PPP4R3A: variants seen among roughly 807,000 people sequenced by gnomAD.
The protein encoded by PPP4R3A is protein phosphatase 4 regulatory subunit 3A.
PPP4R3A carries 15 observed loss-of-function variants against 91.7 expected under a neutral mutation model. The observed-to-expected ratio is 0.16, with a 90% CI of 0.11 to 0.25. The LOEUF (loss-of-function observed/expected upper bound fraction) is 0.25. Among genes scored for constraint, PPP4R3A ranks in the 10% least tolerant of loss-of-function variants. PPP4R3A has a pLI of 1.00. For missense variants in PPP4R3A, 623 were observed against 998.4 expected (o/e 0.62, Z 5.07); for synonymous variants, 377 against 348.7 (o/e 1.08, Z -0.91).
intron 10 of PPP4R3A, among the ~76,000 whole-genome samples, chr14:91,468,782 G>A (rs1595054867): frequency 7.1e-6 from 1 of 141,346 alleles, no homozygotes. Flanking sequence ...ATTCAACCAA[G>A]AATGCAATAC....
chr14:91,483,941 T>C (rs1370665010), intron 3 of PPP4R3A, among the ~76,000 whole-genome samples: 2 of 152,208 alleles, frequency 1.3e-5, no homozygotes, highest in South Asian at 2.1e-4. Context: ...GAGTTACACA[T>C]TGGCATAAAG....
chr14:91,501,700 A>G (rs1001393145), intron 1 of PPP4R3A, among the ~76,000 whole-genome samples: 1 of 136,478 alleles, frequency 7.3e-6, no homozygotes, highest in African/African-American at 2.8e-5. Flanking sequence ...GTGGGAGACT[A>G]AAGTGTGCTT....
chr14:91,488,901 A>C (rs1890059522), intron 2 of PPP4R3A, among the ~76,000 whole-genome samples: 1 of 133,524 alleles, frequency 7.5e-6, no homozygotes, highest in South Asian at 2.4e-4. Context: ...CATAATATAG[A>C]TACCACTTTT....
chr14:91,462,065 G>A lies in PPP4R3A; in HGVS notation c.2148C>T (p.Phe716=). 1 of 1,512,254 alleles carries A rather than the reference G, an allele frequency of 6.6e-7. No homozygotes were observed. Among genetic ancestry groups the A allele is most frequent in the Admixed American group, 2.4e-5 (1 of 42,004 alleles). 93.7% of individuals were successfully genotyped at this position (1,512,254 alleles called of 1,614,324 possible). A position where few individuals can be genotyped will look rare whatever the true frequency, so the allele number is the denominator to read the frequency against. ...CCAACATACATTTCTTCCTTTCCAT[G>A]AATTTACTTATTGGATCCATAATAT... ...DDDIMDPISK[F]MERKKLKESE... The change falls in exon 13 of 15, where the codon TTC becomes TTT. Residue 716 remains phenylalanine, a synonymous_variant. Transcript: ENST00000554943.
chr14:91,473,420 A>G, intron 7 of PPP4R3A, 50 bp from the exon 8 acceptor site: 1 of 1,562,428 alleles, frequency 6.4e-7, no homozygotes, highest in Non-Finnish European at 8.6e-7. Flanking sequence ...GAGAGAACGG[A>G]AAAAGCAAAA....
At chr14:91,466,344 C>T (rs1233808494) in intron 10 of PPP4R3A, 11 of 985,614 alleles carry the variant, frequency 1.1e-5, no homozygotes, top group African/African-American at 5.2e-5. Flanking sequence ...GGAAGTGGCT[C>T]GTTAAATTGC....
chr14:91,510,339 G>A (rs1360301865), upstream of PPP4R3A: 3 of 152,536 alleles, frequency 2.0e-5, no homozygotes, highest in Non-Finnish European at 2.9e-5. Context: ...CAGCTGCAGG[G>A]GCGGCTCGTA....
chr14:91,483,122 G>A (rs767205189), intron 3 of PPP4R3A, among the ~76,000 whole-genome samples: 1 of 151,742 alleles, frequency 6.6e-6, no homozygotes, highest in Admixed American at 6.6e-5. Context: ...CATTTTTTTT[G>A]GTAACAAAAG....
chr14:91,481,976 T>C lies in PPP4R3A; in HGVS notation c.515A>G (p.Lys172Arg). 1 of 1,614,066 alleles carries C rather than the reference T, an allele frequency of 6.2e-7. No individual in the cohort carries two copies. The highest frequency in any genetic ancestry group is 1.1e-5 in the South Asian group (1 of 91,080). Residue 172 changes from lysine (K) to arginine (R), a missense_variant, in exon 4 of 15, where the codon AAG (lysine) becomes AGG (arginine). Around this residue, in one of 5 missense-constraint regions of PPP4R3A, gnomAD observed 264 missense variants for 377.3 expected, o/e 0.70. Transcript: ENST00000554943. The part of the protein sequence containing the change: ...LALENEGYIK[K>R]LLELFHVCED... ...ACACACATGAAAAAGCTCCAGGAGC[T>C]TTTTAATATAACCCTCATTTTCTAG...
At chr14:91,482,566 A>G (rs773246683) in intron 3 of PPP4R3A, among the ~76,000 whole-genome samples, 8 of 152,176 alleles carry the variant, frequency 5.3e-5, no homozygotes, top group Admixed American at 2.0e-4. Context: ...CCAGCAGACC[A>G]AGGCAAGTCT....
chr14:91,460,822 C>T (rs568775715), intron 14 of PPP4R3A, among the ~76,000 whole-genome samples: 13 of 151,794 alleles, frequency 8.6e-5, no homozygotes, highest in Admixed American at 6.6e-4. Flanking sequence ...GGTTTCACCA[C>T]GTTAGCCAGG....
At chr14:91,467,706 C>T (rs528477739) in intron 10 of PPP4R3A, among the ~76,000 whole-genome samples, 3 of 152,020 alleles carry the variant, frequency 2.0e-5, no homozygotes, top group Non-Finnish European at 4.4e-5. Context: ...CTATAAAGAC[C>T]GAGTTTAGAA....
intron 1 of PPP4R3A, among the ~76,000 whole-genome samples, chr14:91,496,550 GAA>G (rs994634678): frequency 3.3e-5 from 5 of 152,080 alleles, no homozygotes; most frequent in Admixed American, 6.6e-5. Flanking sequence ...AGGATAATAA[GAA>G]AGAGGGAAAA....
chr14:91,462,898 G>T lies in PPP4R3A; in HGVS notation c.1831-21C>A, dbSNP rs746961667. 5.1e-6 allele frequency: 8 copies of T among 1,555,564 alleles called. No individual in the cohort carries two copies. In the East Asian group the frequency reaches 1.8e-4, roughly 35 times the overall value. ...TCTTCCTACAGAAAAGAATAGTAATGAAAAAATGATAGGAAAATGTCATTT... is the reference window on the plus strand; with the variant it reads ...TCTTCCTACAGAAAAGAATAGTAATTAAAAAATGATAGGAAAATGTCATTT... On this transcript the variant is annotated intron_variant, in intron 11 of 14. Coordinates refer to ENST00000554943, the MANE Select transcript of PPP4R3A (RefSeq NM_001366432.2).
In PPP4R3A at chr14:91,481,664, G is replaced by C. The variant is rs748987963; in HGVS notation, c.827C>G (p.Pro276Arg). ...GTTTTCTTCAAAGACCGAAGGAGTTGGTAGAACCATATCTTGTATATACTG... is the reference window on the plus strand; with the variant it reads ...GTTTTCTTCAAAGACCGAAGGAGTTCGTAGAACCATATCTTGTATATACTG... ...RVQYIQDMVLPTPSVFEENML... is the reference protein window; with the variant it reads ...RVQYIQDMVLRTPSVFEENML... Residue 276 changes from proline to arginine, a missense_variant, in exon 4 of 15, where the codon CCA becomes CGA. This residue lies in a region of PPP4R3A where 264 missense variants were observed against 377.3 expected (regional missense o/e 0.70). Transcript: ENST00000554943. The C allele has an allele frequency of 1.9e-6, 3 of 1,612,532 alleles. No homozygotes were observed. In the South Asian group the frequency reaches 3.3e-5, roughly 18 times the overall value.
chr14:91,504,531 AG>A (rs1891164271), intron 1 of PPP4R3A, among the ~76,000 whole-genome samples: 1 of 151,646 alleles, frequency 6.6e-6, no homozygotes, highest in South Asian at 2.1e-4. Context: ...GAACCCGGGA[AG>A]CGGAGGTTGC....
intron 12 of PPP4R3A, 117 bp from the exon 13 acceptor site, chr14:91,462,356 G>A (rs2273649): frequency 0.85 from 884,574 of 1,041,810 alleles, 376,379 homozygotes; most frequent in East Asian, 0.97. Context: ...AAATATTAAA[G>A]TATCAATGTA....
Position 91,467,579 on chromosome 14 carries a change from C to A in PPP4R3A, c.1661-2160G>T, listed in dbSNP as rs992640658. The stretch of plus-strand genomic sequence containing the variant: ...TTTATTTCACTCCTTTTTAAGATTT[C>A]CATGTTTTTAACAACAAAACACTCT... On this transcript the variant is annotated intron_variant, in intron 10 of 14. Coordinates refer to ENST00000554943, the MANE Select transcript of PPP4R3A (RefSeq NM_001366432.2). 4.1e-5 allele frequency among the ~76,000 whole-genome samples: 3 copies of A among 72,904 alleles called. No homozygotes were observed. In the East Asian group the frequency reaches 1.4e-3, roughly 35 times the overall value. The allele number at this position is 72,904 out of a possible 152,430, so 47.8% of individuals were successfully genotyped here.
intron 4 of PPP4R3A, among the ~76,000 whole-genome samples, chr14:91,480,109 A>C (rs1004862135): frequency 6.6e-6 from 1 of 152,196 alleles, no homozygotes; most frequent in East Asian, 1.9e-4. Context: ...CTGTGATGCA[A>C]ATACCCTAAA....
Sources: gnomAD v4.1 joint callset for allele counts (sites outside exome capture counted in the v4.1 genomes callset) on GRCh38, gnomAD v4.1.1 for gene constraint, gnomAD v4.1.1 regional missense constraint, MANE v1.5 for transcripts, NCBI Gene and HGNC (gene_info 2026-07-23, HGNC 2026-07-21) for gene names.